GPHN: variants seen among roughly 807,000 people sequenced by gnomAD.
GPHN encodes the protein gephyrin.
A neutral mutation model predicts 95.5 loss-of-function variants in GPHN; 17 were observed. That is an observed-to-expected ratio of 0.18 (90% CI 0.12 to 0.27). The LOEUF is 0.27. Ranked by LOEUF, GPHN falls within the 10% of genes least tolerant of loss-of-function variation. The pLI is 1.00. For synonymous variants in GPHN, 320 were observed against 322.5 expected, an observed-to-expected ratio of 0.99 and a Z score of 0.08; for missense variants, 660 against 978.1, an observed-to-expected ratio of 0.67 and a Z score of 4.34.
chr14:66,829,544 A>G (rs2061506041), intron 4 of GPHN, among the ~76,000 whole-genome samples: 1 of 152,186 alleles, frequency 6.6e-6, no homozygotes, highest in African/African-American at 2.4e-5. Context: ...GTATGTCCAA[A>G]AAAGGTATTA....
intron 9 of GPHN, among the ~76,000 whole-genome samples, chr14:66,998,961 ATC>A (rs1402975110): frequency 1.3e-5 from 2 of 151,074 alleles, no homozygotes; most frequent in East Asian, 1.9e-4. Context: ...TGTTTTTGAT[ATC>A]TCATTATCAA....
the GPHN span, chr14:67,695,662 G>A: frequency 2.5e-6 from 4 of 1,614,072 alleles, no homozygotes; most frequent in East Asian, 4.5e-5. Flanking sequence ...ACAGAAGGAA[G>A]GGCAGAAGGA....
chr14:66,565,626 A>G (rs1009179217), intron 1 of GPHN, among the ~76,000 whole-genome samples: 5 of 152,166 alleles, frequency 3.3e-5, no homozygotes, highest in African/African-American at 1.2e-4. Context: ...TTACAAATTT[A>G]CTGACCACAT....
chr14:66,928,541 T>C (rs574334974), intron 8 of GPHN, among the ~76,000 whole-genome samples: 2 of 152,316 alleles, frequency 1.3e-5, no homozygotes, highest in Admixed American at 6.5e-5. Flanking sequence ...CTCTGATCTT[T>C]ATTTCTGTTC....
the GPHN span, chr14:67,223,705 T>A: frequency 1.0e-6 from 1 of 975,360 alleles, no homozygotes; most frequent in Admixed American, 6.2e-5. Flanking sequence ...TATTTCTTAT[T>A]TCTTTCCACC....
At chr14:67,643,852 TAAAAAAAAAAAAAAA>T in the GPHN span, among the ~76,000 whole-genome samples, 78 of 81,196 alleles carry the variant, frequency 9.6e-4, no homozygotes, top group East Asian at 3.3e-3. Flanking sequence ...TCCTTGGGAG[TAAAAAAAAAAAAAAA>T]AAAAAAAAAA....
the GPHN span, among the ~76,000 whole-genome samples, chr14:67,255,864 TTTAGTAGAGACGGGGTTTCACC>T: frequency 1.3e-5 from 2 of 152,204 alleles, no homozygotes; most frequent in African/African-American, 4.8e-5. Context: ...ATTTTGTATT[TTTAGTAGAGACGGGGTTTCACC>T]ATGTTGGCCA....
intron 8 of GPHN, among the ~76,000 whole-genome samples, chr14:66,935,877 G>A (rs183089455): frequency 3.2e-4 from 49 of 151,918 alleles, no homozygotes; most frequent in South Asian, 8.3e-4. Flanking sequence ...AGCTCTTTAC[G>A]TAAATCCTCA....
intron 9 of GPHN, among the ~76,000 whole-genome samples, chr14:66,991,883 A>AG (rs1567188545): frequency 2.0e-5 from 3 of 151,318 alleles, no homozygotes; most frequent in South Asian, 2.1e-4. Context: ...AAAAAAAAAA[A>AG]AAAAGAAAAG....
chr14:67,308,595 G>A, the GPHN span, among the ~76,000 whole-genome samples: 1 of 148,500 alleles, frequency 6.7e-6, no homozygotes, highest in Non-Finnish European at 1.5e-5. Flanking sequence ...GTCCAGGCTG[G>A]AGTGCAATGG....
intron 1 of GPHN, among the ~76,000 whole-genome samples, chr14:66,525,308 C>A (rs1227170420): frequency 2.0e-5 from 3 of 152,160 alleles, no homozygotes; most frequent in East Asian, 1.9e-4. Flanking sequence ...TGAGAAGTGT[C>A]TGTTCATATC....
intron 11 of GPHN, among the ~76,000 whole-genome samples, chr14:67,086,861 A>G (rs2076915816): frequency 6.7e-6 from 1 of 150,176 alleles, no homozygotes; most frequent in Admixed American, 6.7e-5. Flanking sequence ...ACACGGTGAA[A>G]CCCCATCTCT....
chr14:67,221,635 CAA>C, the GPHN span: 2 of 1,198,340 alleles, frequency 1.7e-6, no homozygotes, highest in Non-Finnish European at 2.3e-6. Context: ...CTATAATCAG[CAA>C]TGGCCTAGGT....
the GPHN span, chr14:67,360,405 A>G: frequency 2.8e-5 from 11 of 394,734 alleles, no homozygotes; most frequent in Non-Finnish European, 4.0e-5. Context: ...GGTCTCTGTG[A>G]TTGAAGAAGT....
chr14:67,216,216 G>A, the GPHN span, among the ~76,000 whole-genome samples: 4 of 151,934 alleles, frequency 2.6e-5, no homozygotes, highest in Non-Finnish European at 5.9e-5. Context: ...TCCTTGTGTT[G>A]TACAGTTCTG....
At chr14:67,038,141 C>T (rs1420270346) in intron 10 of GPHN, among the ~76,000 whole-genome samples, 1 of 151,956 alleles carries the variant, frequency 6.6e-6, no homozygotes, top group Non-Finnish European at 1.5e-5. Flanking sequence ...TAAGGAAATC[C>T]TGTCATATGC....
chr14:67,030,994 TG>T (rs1472043575), intron 10 of GPHN, among the ~76,000 whole-genome samples: 2 of 142,070 alleles, frequency 1.4e-5, no homozygotes, highest in Non-Finnish European at 3.0e-5. Context: ...TTGAAAATAC[TG>T]GGGGTTTTGT....
Position 66,998,502 on chromosome 14 carries a change from A to T in GPHN, c.964-25131A>T, listed in dbSNP as rs533922501. Among the ~76,000 whole-genome samples the T allele has an allele frequency of 6.6e-5, 10 of 152,240 alleles. 2 individuals are homozygous for T. The highest frequency in any genetic ancestry group is 2.4e-4 in the African/African-American group (10 of 41,560). On this transcript the variant is annotated intron_variant, in intron 9 of 22. Transcript: ENST00000478722. ...AACCTTAATAATTAAAATTTCAAGG[A>T]ATATTCTTCTTAGCTTTCAATTTTT...
intron 8 of GPHN, among the ~76,000 whole-genome samples, chr14:66,947,650 C>T (rs2067844125): frequency 6.6e-6 from 1 of 152,146 alleles, no homozygotes; most frequent in Non-Finnish European, 1.5e-5. Flanking sequence ...TTTCGCCATA[C>T]CCATGATGTA....
Sources: gnomAD v4.1 joint callset for allele counts (sites outside exome capture counted in the v4.1 genomes callset) on GRCh38, gnomAD v4.1.1 for gene constraint, MANE v1.5 for transcripts, NCBI Gene and HGNC (gene_info 2026-07-23, HGNC 2026-07-21) for gene names.